GLIS1: variants seen among roughly 807,000 people sequenced by gnomAD.
The protein encoded by GLIS1 is zinc finger protein GLIS1.
Under a neutral mutation model 63.8 loss-of-function variants are expected in GLIS1, and 24 were observed. The ratio of observed to expected loss-of-function variants is 0.38; its 90% CI spans 0.27 to 0.53. The LOEUF (loss-of-function observed/expected upper bound fraction) is 0.53, where lower values mean the gene tolerates loss of function less well. Ranked by LOEUF, GLIS1 falls within the 20% of genes least tolerant of loss-of-function variation. GLIS1 has a pLI of 0.85. For missense variants in GLIS1, 1,036 were observed against 1,074.1 expected, an observed-to-expected ratio of 0.96 and a Z score of 0.50; for synonymous variants, 450 against 482.5, an observed-to-expected ratio of 0.93 and a Z score of 0.88.
At chr1:53,645,874 C>G (rs11801755) in intron 2 of GLIS1, among the ~76,000 whole-genome samples, 5,931 of 152,254 alleles carry the variant, frequency 0.039, 377 homozygotes, top group African/African-American at 0.12. Flanking sequence ...GTGGTGTCTA[C>G]CTCACTCCTT....
intron 4 of GLIS1, among the ~76,000 whole-genome samples, chr1:53,565,352 A>G (rs1316140602): frequency 6.6e-6 from 1 of 152,104 alleles, no homozygotes; most frequent in African/African-American, 2.4e-5. Context: ...AGCAAAATAA[A>G]CAAAATGTAA....
At chr1:53,691,713 G>GATT (rs1646407842) in intron 2 of GLIS1, among the ~76,000 whole-genome samples, 1 of 152,052 alleles carries the variant, frequency 6.6e-6, no homozygotes, top group Non-Finnish European at 1.5e-5. Flanking sequence ...CTAATAAAGG[G>GATT]TCCTTCATTT....
chr1:53,714,702 G>T (rs1328698544), intron 2 of GLIS1, among the ~76,000 whole-genome samples: 1 of 152,222 alleles, frequency 6.6e-6, no homozygotes, highest in Non-Finnish European at 1.5e-5. Flanking sequence ...CCTGTACTGA[G>T]ATGAGATGAA....
At chr1:53,733,808 T>C in intron 2 of GLIS1, 1 of 643,528 alleles carries the variant, frequency 1.6e-6, no homozygotes, top group Non-Finnish European at 1.9e-6. Flanking sequence ...ATCTGATTAT[T>C]TCCGGATCGC....
At position 53,574,778 on chromosome 1, in the gene GLIS1, T is replaced by A. The variant is rs570164023; in HGVS notation, c.1320+19330A>T. 6.6e-6 allele frequency among the ~76,000 whole-genome samples: 1 copy of A among 152,282 alleles called. No individual in the cohort carries two copies. The highest frequency in any genetic ancestry group is 2.1e-4 in the South Asian group (1 of 4,822). ...GGGCACTGTGATCCTCATGGGGCCA[T>A]GGGGTCTAGCTGTGAATGTGGTAAA... On this transcript the variant is annotated intron_variant, in intron 4 of 10. Transcript: ENST00000628545. The surrounding 1 kb of genome is among the most constrained non-coding windows in gnomAD (Gnocchi z 4.2).
At chr1:53,658,118 C>CCATGCTGTTGTA in intron 2 of GLIS1, among the ~76,000 whole-genome samples, 1 of 152,324 alleles carries the variant, frequency 6.6e-6, no homozygotes, top group South Asian at 2.1e-4. Flanking sequence ...TCAGAGGCCC[C>CCATGCTGTTGTA]CATGCTGTTG....
In GLIS1 at chr1:53,539,554, A is replaced by AT. The variant is rs1644620493; in HGVS notation, c.1321-9603_1321-9602insA. Among the ~76,000 whole-genome samples the AT allele has an allele frequency of 1.2e-5, 1 of 80,818 alleles. No homozygotes were observed. Among genetic ancestry groups the AT allele is most frequent in the African/African-American group, 4.0e-5 (1 of 24,762 alleles). The allele number at this position is 80,818 out of a possible 152,430, so 53.0% of individuals were successfully genotyped here. Reference sequence around the variant, plus strand: ...CATACCACACGGTATACACCCCCCCACACACACTACACATCATACACATAA... The same window carrying AT: ...CATACCACACGGTATACACCCCCCCATCACACACTACACATCATACACATAA... On this transcript the variant is annotated intron_variant, in intron 4 of 10. Coordinates refer to ENST00000628545, the MANE Select transcript of GLIS1 (RefSeq NM_001367484.1). This position sits in a 1 kb window ranked among gnomAD's most constrained non-coding sequence, Gnocchi z 5.0.
intron 2 of GLIS1, among the ~76,000 whole-genome samples, chr1:53,607,901 C>A (rs561655092): frequency 1.3e-5 from 2 of 151,758 alleles, no homozygotes; most frequent in African/African-American, 4.8e-5. Flanking sequence ...TATGTCCTCA[C>A]ATGGCCTTTC....
Position 53,738,019 on chromosome 1 carries a change from C to T in GLIS1, c.46G>A (p.Glu16Lys). The T allele has an allele frequency of 8.1e-7, 1 of 1,230,766 alleles. No homozygotes were observed. Among genetic ancestry groups the T allele is most frequent in the Non-Finnish European group, 1.0e-6 (1 of 987,336 alleles). 76.2% of individuals were successfully genotyped at this position (1,230,766 alleles called of 1,614,324 possible). A position where few individuals can be genotyped will look rare whatever the true frequency, so the allele number is the denominator to read the frequency against. ...AEAHSDKRPK[E>K]APGAPGPDRG... Reference sequence around the variant, plus strand: ...TCGGGGCCGGGCGCACCAGGGGCCTCCTTAGGCCTCTTGTCCGAGTGTGCC... The same window carrying T: ...TCGGGGCCGGGCGCACCAGGGGCCTTCTTAGGCCTCTTGTCCGAGTGTGCC... Residue 16 changes from glutamate (E) to lysine (K), a missense_variant, in exon 2 of 11, where the codon GAG (glutamate) becomes AAG (lysine). Physicochemically the swap from Glu to Lys is moderately conservative, Grantham distance 56 (BLOSUM62 1). Transcript: ENST00000628545.
rs1489967404 is a variant in GLIS1, at chr1:53,520,748, T to C, written c.1612A>G (p.Thr538Ala). ...CACTCGGTCAGGACGTCGGCCTCGGTGTCAGGGCCCGCATGCAGCTGGGGA... is the reference window on the plus strand; with the variant it reads ...CACTCGGTCAGGACGTCGGCCTCGGCGTCAGGGCCCGCATGCAGCTGGGGA... ...VRKKLHAGPD[T>A]EADVLTECLV... Residue 538 changes from threonine to alanine, a missense_variant, in exon 7 of 11, where the codon ACC (threonine) becomes GCC (alanine). Thr to Ala is a moderately conservative substitution (Grantham distance 58, BLOSUM62 0). Transcript: ENST00000628545. 1 of 1,607,026 alleles carries C rather than the reference T, an allele frequency of 6.2e-7. No homozygotes were observed. Among genetic ancestry groups the C allele is most frequent in the Admixed American group, 1.7e-5 (1 of 59,404 alleles).
intron 8 of GLIS1, among the ~76,000 whole-genome samples, 160 bp from the exon 9 acceptor site, chr1:53,510,187 C>T (rs1050769569): frequency 6.6e-6 from 1 of 152,198 alleles, no homozygotes; most frequent in African/African-American, 2.4e-5. Context: ...TATTTTTGGT[C>T]ATGTTCAAGC....
intron 2 of GLIS1, among the ~76,000 whole-genome samples, chr1:53,633,649 T>C (rs1645694146): frequency 6.6e-6 from 1 of 152,092 alleles, no homozygotes; most frequent in Non-Finnish European, 1.5e-5. Flanking sequence ...ACATTTCTTG[T>C]GTCTCAACAC....
intron 2 of GLIS1, among the ~76,000 whole-genome samples, chr1:53,638,124 G>A (rs547020280): frequency 5.3e-5 from 8 of 152,342 alleles, no homozygotes; most frequent in East Asian, 3.9e-4. Flanking sequence ...GGACTGCCAC[G>A]GGGAGAAGCA....
At chr1:53,659,340 C>A (rs1220323446) in intron 2 of GLIS1, among the ~76,000 whole-genome samples, 1 of 152,178 alleles carries the variant, frequency 6.6e-6, no homozygotes, top group African/African-American at 2.4e-5. Flanking sequence ...AGCTTTCCAG[C>A]CCTGGGGTGA....
chr1:53,576,462 C>T (rs1311089356), intron 4 of GLIS1, among the ~76,000 whole-genome samples: 3 of 152,170 alleles, frequency 2.0e-5, no homozygotes, highest in Non-Finnish European at 1.5e-5. Flanking sequence ...TGGCAGATGG[C>T]CATGGTGATC....
intron 5 of GLIS1, among the ~76,000 whole-genome samples, chr1:53,528,102 G>A (rs1411745540): frequency 1.3e-5 from 2 of 152,168 alleles, no homozygotes; most frequent in African/African-American, 4.8e-5. Context: ...GGGGTGCTGG[G>A]GCACAGAGCG....
intron 4 of GLIS1, among the ~76,000 whole-genome samples, chr1:53,546,960 G>T (rs1644705543): frequency 6.6e-6 from 1 of 152,096 alleles, no homozygotes; most frequent in Admixed American, 6.5e-5. Flanking sequence ...GGTATGGAAG[G>T]CTGACACAGA....
chr1:53,589,492 C>G (rs1165787554), intron 4 of GLIS1, among the ~76,000 whole-genome samples: 1 of 152,174 alleles, frequency 6.6e-6, no homozygotes, highest in South Asian at 2.1e-4. Flanking sequence ...TTGGCCCAGG[C>G]TAGGAGGGCA....
intron 2 of GLIS1, among the ~76,000 whole-genome samples, chr1:53,612,396 C>T (rs964875415): frequency 2.0e-5 from 3 of 152,116 alleles, no homozygotes; most frequent in Admixed American, 2.0e-4. Flanking sequence ...CCCGCCACCA[C>T]ATCCAGCTAA....
Sources: gnomAD v4.1 joint callset for allele counts (sites outside exome capture counted in the v4.1 genomes callset) on GRCh38, gnomAD v4.1.1 for gene constraint, Gnocchi (gnomAD v3.1) non-coding constraint, MANE v1.5 for transcripts, NCBI Gene and HGNC (gene_info 2026-07-23, HGNC 2026-07-21) for gene names.